The following CDH4 variants were observed in gnomAD, a reference collection of about 807,000 sequenced individuals.
CDH4 encodes the protein cadherin 4.
In CDH4, 33 loss-of-function variants were observed where a neutral mutation model predicts 86.0. That is an observed-to-expected ratio of 0.38 (90% CI 0.29 to 0.51). The LOEUF is 0.51. CDH4 is among the 20% of genes least tolerant of loss of function. The pLI, the probability that CDH4 is intolerant of heterozygous loss-of-function variation, is 0.86. For synonymous variants in CDH4, 555 were observed against 549.4 expected, an observed-to-expected ratio of 1.01 and a Z score of -0.14; for missense variants, 1,114 against 1,307.4, an observed-to-expected ratio of 0.85 and a Z score of 2.28.
intron 2 of CDH4, among the ~76,000 whole-genome samples, chr20:61,295,393 G>A (rs948762574): frequency 2.0e-5 from 3 of 152,148 alleles, no homozygotes; most frequent in East Asian, 1.9e-4. Context: ...CTCACACCCC[G>A]CTCTGTTGTC....
At chr20:61,541,664 T>G (rs1453326986) in intron 2 of CDH4, among the ~76,000 whole-genome samples, 5 of 152,210 alleles carry the variant, frequency 3.3e-5, no homozygotes, top group Non-Finnish European at 5.9e-5. Context: ...CTTCGCCATG[T>G]GTTTGTGGCT....
intron 2 of CDH4, among the ~76,000 whole-genome samples, chr20:61,638,367 C>A (rs2086970719): frequency 6.6e-6 from 1 of 152,134 alleles, no homozygotes; most frequent in Non-Finnish European, 1.5e-5. Flanking sequence ...TGTGTCCTGG[C>A]AAACGGGAAC....
intron 6 of CDH4, among the ~76,000 whole-genome samples, chr20:61,856,361 G>A (rs1156954391): frequency 6.6e-6 from 1 of 151,960 alleles, no homozygotes; most frequent in African/African-American, 2.4e-5. Flanking sequence ...TGAGGGTCCT[G>A]TGTGCCCCCC....
chr20:61,485,390 G>A (rs940975079), intron 2 of CDH4, among the ~76,000 whole-genome samples: 6 of 152,186 alleles, frequency 3.9e-5, no homozygotes, highest in African/African-American at 1.4e-4. Flanking sequence ...GGAGGAGGCT[G>A]CAGTTAGCAC....
intron 2 of CDH4, among the ~76,000 whole-genome samples, chr20:61,383,235 AAT>A (rs1426432009): frequency 8.4e-6 from 1 of 118,774 alleles, no homozygotes; most frequent in Non-Finnish European, 1.7e-5. Context: ...TATATATATG[AAT>A]ATATATGATT....
At chr20:61,459,376 G>C (rs75809141) in intron 2 of CDH4, among the ~76,000 whole-genome samples, 1 of 151,890 alleles carries the variant, frequency 6.6e-6, no homozygotes, top group African/African-American at 2.4e-5. Context: ...ATGGAGCAAT[G>C]GTGAGAGGAC....
At chr20:61,273,047 G>A (rs1436991652) in intron 2 of CDH4, among the ~76,000 whole-genome samples, 1 of 112,158 alleles carries the variant, frequency 8.9e-6, no homozygotes, top group African/African-American at 3.6e-5. Context: ...GGAGGACCAC[G>A]TGCAGTTTGG....
chr20:61,283,748 C>T (rs1280734686), intron 2 of CDH4, among the ~76,000 whole-genome samples: 1 of 152,216 alleles, frequency 6.6e-6, no homozygotes, highest in Non-Finnish European at 1.5e-5. Context: ...TGTGATGGGT[C>T]ATTAGAAGCA....
intron 3 of CDH4, among the ~76,000 whole-genome samples, chr20:61,744,368 G>A (rs892797681): frequency 6.7e-5 from 10 of 150,192 alleles, no homozygotes; most frequent in Admixed American, 6.6e-4. Context: ...GGGAGAGGAA[G>A]AGAGGGAGAG....
rs149704159 is a variant in CDH4, at chr20:61,640,912, G to A, written c.170-102651G>A. Among the ~76,000 whole-genome samples, 338 of 152,318 alleles carry A rather than the reference G, an allele frequency of 2.2e-3. 2 individuals are homozygous for A. The highest frequency in any genetic ancestry group is 7.7e-3 in the African/African-American group (321 of 41,562). ...ATACTGCGAGTTCCAGCTCTGAGAT[G>A]GGGGAAGCGAGTGGTGCCGGGCAAG... On this transcript the variant is annotated intron_variant, in intron 2 of 15. Coordinates refer to ENST00000614565, the MANE Select transcript of CDH4 (RefSeq NM_001794.5).
intron 7 of CDH4, among the ~76,000 whole-genome samples, chr20:61,876,533 G>A (rs574297578): frequency 3.9e-5 from 6 of 152,304 alleles, no homozygotes; most frequent in East Asian, 1.9e-4. Context: ...GCAGGCGTGC[G>A]GAGGGTTCTA....
At chr20:61,604,711 G>A (rs897534942) in intron 2 of CDH4, among the ~76,000 whole-genome samples, 12 of 152,212 alleles carry the variant, frequency 7.9e-5, no homozygotes, top group African/African-American at 2.4e-4. Context: ...ACACAGACAC[G>A]TGTAGATTTG....
At chr20:61,367,324 C>A (rs2084816172) in intron 2 of CDH4, among the ~76,000 whole-genome samples, 1 of 152,150 alleles carries the variant, frequency 6.6e-6, no homozygotes, top group South Asian at 2.1e-4. Context: ...AAGGCTGACA[C>A]AAGAGACAGT....
At chr20:61,830,226 G>A (rs1042941057) in intron 4 of CDH4, among the ~76,000 whole-genome samples, 3 of 151,814 alleles carry the variant, frequency 2.0e-5, no homozygotes, top group Non-Finnish European at 2.9e-5. Context: ...GGGAGCAGGC[G>A]AGTCCTCTCT....
chr20:61,317,293 C>T (rs1051269149), intron 2 of CDH4, among the ~76,000 whole-genome samples: 1 of 152,266 alleles, frequency 6.6e-6, no homozygotes, highest in South Asian at 2.1e-4. Flanking sequence ...TCACTGCAAG[C>T]TCCGCCTCCC....
intron 2 of CDH4, among the ~76,000 whole-genome samples, chr20:61,639,948 G>A (rs897119881): frequency 5.9e-5 from 9 of 152,216 alleles, no homozygotes; most frequent in East Asian, 1.9e-4. Flanking sequence ...GCTCGGCTTC[G>A]TCATAATTGC....
chr20:61,393,120 C>G lies in CDH4; in HGVS notation c.169+138183C>G, dbSNP rs2084995950. 6.6e-6 allele frequency among the ~76,000 whole-genome samples: 1 copy of G among 151,948 alleles called. No homozygotes were observed. The highest frequency in any genetic ancestry group is 1.5e-5 in the Non-Finnish European group (1 of 67,996). On this transcript the variant is annotated intron_variant, in intron 2 of 15. Coordinates refer to ENST00000614565, the MANE Select transcript of CDH4 (RefSeq NM_001794.5). The surrounding 1 kb of genome is among the most constrained non-coding windows in gnomAD (Gnocchi z 4.3). ...CCCACTGAATCTCTGTAGAAATATCCTCTTTATTATCTCATCTGACCTGAG... is the reference window on the plus strand; with the variant it reads ...CCCACTGAATCTCTGTAGAAATATCGTCTTTATTATCTCATCTGACCTGAG...
intron 2 of CDH4, among the ~76,000 whole-genome samples, chr20:61,590,145 G>A (rs1266281335): frequency 6.7e-6 from 1 of 148,502 alleles, no homozygotes; most frequent in Non-Finnish European, 1.5e-5. Flanking sequence ...TCTGGCTGCT[G>A]TAGGGAGATG....
At chr20:61,451,129 C>G (rs78510540) in intron 2 of CDH4, among the ~76,000 whole-genome samples, 4 of 149,646 alleles carry the variant, frequency 2.7e-5, no homozygotes, top group Non-Finnish European at 5.9e-5. Flanking sequence ...CACGCCCCCC[C>G]CCTTCCCTCC....
Sources: gnomAD v4.1 joint callset for allele counts (sites outside exome capture counted in the v4.1 genomes callset) on GRCh38, gnomAD v4.1.1 for gene constraint, Gnocchi (gnomAD v3.1) non-coding constraint, MANE v1.5 for transcripts, NCBI Gene and HGNC (gene_info 2026-07-23, HGNC 2026-07-21) for gene names.